EEFSEC: variants seen among roughly 807,000 people sequenced by gnomAD.
EEFSEC encodes eukaryotic elongation factor, selenocysteine-tRNA specific.
A neutral mutation model predicts 42.1 loss-of-function variants in EEFSEC; 43 were observed. The ratio of observed to expected loss-of-function variants is 1.02; its 90% CI spans 0.80 to 1.32. EEFSEC has a LOEUF of 1.32. Among genes scored for constraint, EEFSEC ranks in the 40% most tolerant of loss-of-function variants. The probability of loss-of-function intolerance (pLI) is 0.00; values close to 1 mark genes in which losing one functional copy is unlikely to be tolerated. For synonymous variants in EEFSEC, 354 were observed against 339.1 expected, an observed-to-expected ratio of 1.04 and a Z score of -0.48; for missense variants, 745 against 803.6, an observed-to-expected ratio of 0.93 and a Z score of 0.88.
chr3:128,162,099 C>G (rs954915443), intron 1 of EEFSEC, among the ~76,000 whole-genome samples: 3 of 152,192 alleles, frequency 2.0e-5, no homozygotes, highest in Non-Finnish European at 4.4e-5. Flanking sequence ...AATACTGAGG[C>G]ATATTTGAAG....
At chr3:128,240,155 C>T (rs1404828108) in intron 1 of EEFSEC, among the ~76,000 whole-genome samples, 1 of 152,232 alleles carries the variant, frequency 6.6e-6, no homozygotes, top group African/African-American at 2.4e-5. Flanking sequence ...TTCCCCTTCC[C>T]CAACTCCATC....
intron 1 of EEFSEC, among the ~76,000 whole-genome samples, chr3:128,162,536 C>T (rs982441950): frequency 1.3e-5 from 2 of 152,198 alleles, no homozygotes; most frequent in Non-Finnish European, 2.9e-5. Flanking sequence ...TCTCTTGGCG[C>T]TGGACAGCGG....
chr3:128,420,619 C>T, the EEFSEC span, among the ~76,000 whole-genome samples: 1 of 152,234 alleles, frequency 6.6e-6, no homozygotes, highest in African/African-American at 2.4e-5. Flanking sequence ...TCCTTGCAGG[C>T]CTCATCAGCT....
At chr3:128,269,026 C>T (rs1262957070) in intron 4 of EEFSEC, among the ~76,000 whole-genome samples, 1 of 152,200 alleles carries the variant, frequency 6.6e-6, no homozygotes, top group Non-Finnish European at 1.5e-5. Context: ...CGCAGGGAGT[C>T]GCTGCCCCTG....
At chr3:128,234,112 G>T (rs2065985264) in intron 1 of EEFSEC, among the ~76,000 whole-genome samples, 2 of 151,908 alleles carry the variant, frequency 1.3e-5, no homozygotes, top group African/African-American at 4.8e-5. Flanking sequence ...GAGTGCAGTG[G>T]TGTGATCTTG....
At chr3:128,275,873 T>A (rs2066462853) in intron 4 of EEFSEC, among the ~76,000 whole-genome samples, 1 of 152,242 alleles carries the variant, frequency 6.6e-6, no homozygotes, top group South Asian at 2.1e-4. Flanking sequence ...GAAGGCCGAG[T>A]CTAGAAGATG....
At chr3:128,369,897 C>G (rs1179092237) in intron 6 of EEFSEC, among the ~76,000 whole-genome samples, 1 of 152,156 alleles carries the variant, frequency 6.6e-6, no homozygotes, top group African/African-American at 2.4e-5. Context: ...AGCACATGTC[C>G]CCGAGGAACA....
chr3:128,405,069 T>C (rs1327351186), intron 6 of EEFSEC, among the ~76,000 whole-genome samples: 4 of 150,766 alleles, frequency 2.7e-5, no homozygotes, highest in Non-Finnish European at 5.9e-5. Context: ...CAGGCTGGAG[T>C]GCAGTAGCGC....
intron 4 of EEFSEC, among the ~76,000 whole-genome samples, chr3:128,318,525 C>T (rs2066972904): frequency 6.6e-6 from 1 of 152,170 alleles, no homozygotes; most frequent in Non-Finnish European, 1.5e-5. Context: ...GGTACAGGAC[C>T]CTTGGTTCTC....
At chr3:128,382,612 TGTTTTA>T (rs1221890838) in intron 6 of EEFSEC, among the ~76,000 whole-genome samples, 1 of 152,206 alleles carries the variant, frequency 6.6e-6, no homozygotes, top group African/African-American at 2.4e-5. Context: ...TTTATGGGCT[TGTTTTA>T]GGACCCCAAG....
chr3:128,291,623 T>C lies in EEFSEC; in HGVS notation c.786+26842T>C, dbSNP rs546537846. ...CAGCACAAAGTGGACTTAAGACATA[T>C]ATGCTGCAAAATCTTTTCCTGCTAA... On this transcript the variant is annotated intron_variant, in intron 4 of 6. Transcript: ENST00000254730. 1.1e-4 allele frequency among the ~76,000 whole-genome samples: 16 copies of C among 152,354 alleles called. No homozygotes were observed. In the South Asian group the frequency reaches 2.1e-3, roughly 20 times the overall value.
chr3:128,225,942 C>T (rs2065903142), intron 1 of EEFSEC, among the ~76,000 whole-genome samples: 1 of 152,224 alleles, frequency 6.6e-6, no homozygotes, highest in African/African-American at 2.4e-5. Flanking sequence ...GTCTTATTGT[C>T]TTCTCAGAGT....
intron 4 of EEFSEC, among the ~76,000 whole-genome samples, chr3:128,299,320 G>T (rs1158914654): frequency 6.6e-6 from 1 of 152,156 alleles, no homozygotes; most frequent in Non-Finnish European, 1.5e-5. Context: ...CTGATGATTC[G>T]TAAAGTTGAG....
intron 1 of EEFSEC, among the ~76,000 whole-genome samples, chr3:128,215,409 G>A (rs1033332115): frequency 6.6e-6 from 1 of 152,054 alleles, no homozygotes; most frequent in Non-Finnish European, 1.5e-5. Context: ...TGATTATGAC[G>A]GTGATGGCAG....
At chr3:128,327,683 G>T (rs536937081) in intron 4 of EEFSEC, among the ~76,000 whole-genome samples, 1 of 152,320 alleles carries the variant, frequency 6.6e-6, no homozygotes, top group Non-Finnish European at 1.5e-5. Flanking sequence ...TGTGCTGGGA[G>T]ACCAGCCCAG....
At chr3:128,416,792 G>T in the EEFSEC span, among the ~76,000 whole-genome samples, 1 of 152,120 alleles carries the variant, frequency 6.6e-6, no homozygotes, top group Admixed American at 6.5e-5. Flanking sequence ...GCACAAAGGG[G>T]TGAGGGCCAT....
At chr3:128,422,378 G>C in the EEFSEC span, among the ~76,000 whole-genome samples, 5 of 152,232 alleles carry the variant, frequency 3.3e-5, no homozygotes, top group Non-Finnish European at 7.3e-5. Context: ...CCCGGGGTCA[G>C]AGGGATGGAG....
At chr3:128,203,614 C>T (rs776640315) in intron 1 of EEFSEC, among the ~76,000 whole-genome samples, 5 of 152,216 alleles carry the variant, frequency 3.3e-5, no homozygotes, top group African/African-American at 7.2e-5. Context: ...GGGGCAGAAA[C>T]GAGGCTGGAG....
chr3:128,336,731 G>C (rs1056833924), intron 4 of EEFSEC, among the ~76,000 whole-genome samples: 9 of 152,186 alleles, frequency 5.9e-5, no homozygotes, highest in Non-Finnish European at 1.2e-4. Context: ...TCTCCCAGTT[G>C]TTCGCTCTCA....
Sources: gnomAD v4.1 joint callset for allele counts (sites outside exome capture counted in the v4.1 genomes callset) on GRCh38, gnomAD v4.1.1 for gene constraint, MANE v1.5 for transcripts, NCBI Gene and HGNC (gene_info 2026-07-23, HGNC 2026-07-21) for gene names.